Variants in RNF19B observed in about 807,000 individuals in gnomAD.
The protein encoded by RNF19B is E3 ubiquitin-protein ligase RNF19B.
In RNF19B, 23 loss-of-function variants were observed where a neutral mutation model predicts 65.5. That is an observed-to-expected ratio of 0.35 (90% CI 0.25 to 0.50). The LOEUF is 0.50. Among genes scored for constraint, RNF19B ranks in the 20% least tolerant of loss-of-function variants. RNF19B has a pLI of 0.98. For synonymous variants in RNF19B, 372 were observed against 379.6 expected (o/e 0.98, Z 0.23); for missense variants, 794 against 980.0 (o/e 0.81, Z 2.53).
At chr1:32,948,400 C>T (rs767016377) in intron 2 of RNF19B, 37 bp from the exon 3 acceptor site, 7 of 1,600,984 alleles carry the variant, frequency 4.4e-6, no homozygotes, top group African/African-American at 2.7e-5. Flanking sequence ...AGAAAAAATA[C>T]CCCTAGTTAA....
At chr1:32,948,384 ATGGGT>A (rs1395323246) in intron 2 of RNF19B, 21 bp from the exon 3 acceptor site, 1 of 1,607,306 alleles carries the variant, frequency 6.2e-7, no homozygotes, top group Admixed American at 1.7e-5. Context: ...TGGGGGAAGA[ATGGGT>A]AGAAAAAATA....
At position 32,964,224 on chromosome 1, in the gene RNF19B, T is replaced by C; in HGVS notation, c.462A>G (p.Ile154Met). 6.5e-7 allele frequency: 1 copy of C among 1,546,324 alleles called. No individual in the cohort carries two copies. The highest frequency in any genetic ancestry group is 8.7e-7 in the Non-Finnish European group (1 of 1,145,414). The change falls in exon 1 of 9, where the codon ATA (isoleucine) becomes ATG (methionine). Residue 154 changes from isoleucine to methionine, a missense_variant. Ile to Met is a conservative substitution (Grantham distance 10). Around this residue, in one of 3 missense-constraint regions of RNF19B, gnomAD observed 374 missense variants for 423.8 expected, o/e 0.88. Transcript: ENST00000235150. The surrounding 1 kb of genome is among the most constrained non-coding windows in gnomAD (Gnocchi z 6.5). ...DCLRHYLRLE[I>M]SESRVPISCP... Reference sequence around the variant, plus strand: ...AGCTGATGGGCACCCTGCTCTCGCTTATCTCCAGGCGCAGGTAGTGGCGGA... The same window carrying C: ...AGCTGATGGGCACCCTGCTCTCGCTCATCTCCAGGCGCAGGTAGTGGCGGA...
chr1:32,938,568 G>A (rs749435826), intron 7 of RNF19B, 40 bp from the exon 8 acceptor site: 13 of 1,600,512 alleles, frequency 8.1e-6, no homozygotes, highest in Non-Finnish European at 1.1e-5. Flanking sequence ...ATGAGACCTG[G>A]GTATTCCAAG....
At chr1:32,960,539 G>A (rs1257203473) in intron 1 of RNF19B, among the ~76,000 whole-genome samples, 1 of 152,136 alleles carries the variant, frequency 6.6e-6, no homozygotes, top group African/African-American at 2.4e-5. Flanking sequence ...AGGAGGCTGA[G>A]GTGGGAGTAC....
In RNF19B at chr1:32,964,807, G is replaced by T. The variant is rs1319878145; in HGVS notation, c.-122C>A. ...CCACCGCCTCAACCGCCCTCCCGGC[G>T]ATAGAAGCCGAGCGGCAACGACGAA... On this transcript the variant is annotated 5_prime_UTR_variant, in exon 1 of 9. Coordinates refer to ENST00000235150, the MANE Select transcript of RNF19B (RefSeq NM_001300826.2). This position sits in a 1 kb window ranked among gnomAD's most constrained non-coding sequence, Gnocchi z 6.5. 4 of 971,812 alleles carry T rather than the reference G, an allele frequency of 4.1e-6. No homozygotes were observed. The highest frequency in any genetic ancestry group is 5.4e-6 in the Non-Finnish European group (4 of 734,996). 60.2% of individuals were successfully genotyped at this position (971,812 alleles called of 1,614,324 possible).
intron 1 of RNF19B, among the ~76,000 whole-genome samples, chr1:32,956,779 T>C (rs1027092235): frequency 5.9e-5 from 9 of 152,170 alleles, no homozygotes; most frequent in East Asian, 1.9e-4. Flanking sequence ...TATGCTCCAA[T>C]AGACTTCAGT....
At position 32,964,734 on chromosome 1, in the gene RNF19B, C is replaced by T; in HGVS notation, c.-49G>A. ...GGGGCGCCCAGCGCCGCCACAGCTC[C>T]CGCCTCAGCGCCCCTCAGCCAGCGC... On this transcript the variant is annotated 5_prime_UTR_variant, in exon 1 of 9. Transcript: ENST00000235150. This position sits in a 1 kb window ranked among gnomAD's most constrained non-coding sequence, Gnocchi z 6.5. The T allele has an allele frequency of 3.0e-6, 4 of 1,350,110 alleles. No individual in the cohort carries two copies. The highest frequency in any genetic ancestry group is 3.8e-6 in the Non-Finnish European group (4 of 1,054,756). The allele number at this position is 1,350,110 out of a possible 1,614,324, so 83.6% of individuals were successfully genotyped here. A position where few individuals can be genotyped will look rare whatever the true frequency, so the allele number is the denominator to read the frequency against.
At chr1:32,941,138 G>C (rs921290954) in intron 7 of RNF19B, among the ~76,000 whole-genome samples, 2 of 152,052 alleles carry the variant, frequency 1.3e-5, no homozygotes, top group Non-Finnish European at 1.5e-5. Context: ...TGGTAGGATT[G>C]CCTGAGTCCA....
chr1:32,940,938 A>T (rs1642216258), intron 7 of RNF19B, among the ~76,000 whole-genome samples: 2 of 152,236 alleles, frequency 1.3e-5, no homozygotes. Flanking sequence ...AGTATCACTA[A>T]ACCAGCTGGG....
intron 6 of RNF19B, among the ~76,000 whole-genome samples, chr1:32,943,237 C>T (rs745438289): frequency 2.0e-5 from 3 of 151,956 alleles, no homozygotes; most frequent in Non-Finnish European, 4.4e-5. Flanking sequence ...GTAGAAACCA[C>T]ATTAAAGTAA....
chr1:32,936,968 G>A lies in RNF19B; in HGVS notation c.2034C>T (p.Asp678=), dbSNP rs768261133. Residue 678 remains aspartate (D), a synonymous_variant, in exon 9 of 9, where the codon GAC becomes GAT. Transcript: ENST00000235150. ...SSDAQSDDVP[D]ITSDECGSPR... ...GGGAGCCACACTCATCTGAGGTGATGTCTGGCACATCGTCTGACTGTGCAT... is the reference window on the plus strand; with the variant it reads ...GGGAGCCACACTCATCTGAGGTGATATCTGGCACATCGTCTGACTGTGCAT... The A allele has an allele frequency of 2.5e-6, 4 of 1,614,126 alleles. No homozygotes were observed. In the Admixed American group the frequency reaches 6.7e-5, roughly 27 times the overall value.
intron 4 of RNF19B, among the ~76,000 whole-genome samples, chr1:32,945,866 T>C (rs1557571051): frequency 6.6e-6 from 1 of 150,894 alleles, no homozygotes; most frequent in Non-Finnish European, 1.5e-5. Context: ...GTAAGCATTT[T>C]ACCTTCTTCT....
At chr1:32,947,247 G>C (rs1642386811) in intron 3 of RNF19B, among the ~76,000 whole-genome samples, 1 of 152,178 alleles carries the variant, frequency 6.6e-6, no homozygotes, top group Non-Finnish European at 1.5e-5. Flanking sequence ...GGCAATGAAG[G>C]TGTTGTGTTT....
At position 32,949,549 on chromosome 1, in the gene RNF19B, G is replaced by A. The variant is rs778518078; in HGVS notation, c.841+20C>T. The A allele has an allele frequency of 1.9e-6, 3 of 1,607,026 alleles. No homozygotes were observed. Among genetic ancestry groups the A allele is most frequent in the African/African-American group, 2.7e-5 (2 of 74,710 alleles). ...ATGAAATACCAAATAAAGAGACAAT[G>A]AGATAATGCCAACTTATACCTGGTC... On this transcript the variant is annotated intron_variant, in intron 2 of 8. Coordinates refer to ENST00000235150, the MANE Select transcript of RNF19B (RefSeq NM_001300826.2).
At chr1:32,935,327 G>A (rs1642078821), downstream of RNF19B, among the ~76,000 whole-genome samples, 1 of 150,688 alleles carries the variant, frequency 6.6e-6, no homozygotes, top group Admixed American at 6.6e-5. Flanking sequence ...TAGTAGAAAC[G>A]GGGGTTTCAC....
chr1:32,942,302 C>G lies in RNF19B; in HGVS notation c.1560G>C (p.Gly520=). 1 of 1,613,970 alleles carries G rather than the reference C, an allele frequency of 6.2e-7. No individual in the cohort carries two copies. Among genetic ancestry groups the G allele is most frequent in the Admixed American group, 1.7e-5 (1 of 60,010 alleles). ...AGAGAATGCCGCCACTCAGCGTGCCCCCTGAGAGGGCTGCAAAGCTGGCCG... is the reference window on the plus strand; with the variant it reads ...AGAGAATGCCGCCACTCAGCGTGCCGCCTGAGAGGGCTGCAAAGCTGGCCG... ...SETASFAALS[G]GTLSGGILSS... is the part of the protein sequence containing the mutation. Residue 520 remains glycine (G), a synonymous_variant, in exon 7 of 9, where the codon GGG becomes GGC. Coordinates refer to ENST00000235150, the MANE Select transcript of RNF19B (RefSeq NM_001300826.2).
rs1022182561 is a variant in RNF19B at position 32,952,698 on chromosome 1, C to T, written c.636-2924G>A. 3.3e-5 allele frequency among the ~76,000 whole-genome samples: 5 copies of T among 150,982 alleles called. No homozygotes were observed. The South Asian group carries it at 6.3e-4, about 19-fold the overall frequency. On this transcript the variant is annotated intron_variant, in intron 1 of 8. Coordinates refer to ENST00000235150, the MANE Select transcript of RNF19B (RefSeq NM_001300826.2). ...TGGAGGTTGCAGTGAGCAGAGATTG[C>T]GCCACCATGGGTGTCACTCCAGCCT...
rs150951192 is a variant in RNF19B, at chr1:32,958,626, G to C, written c.635+5425C>G. 8.4e-4 allele frequency among the ~76,000 whole-genome samples: 127 copies of C among 152,048 alleles called. No individual in the cohort carries two copies. In the East Asian group the frequency reaches 0.022, roughly 26 times the overall value. ...AGCTACTCAGGAGGCTGAGGCAGGA[G>C]AATAGCATGAACCCGGGAGGTGGAG... On this transcript the variant is annotated intron_variant, in intron 1 of 8. Coordinates refer to ENST00000235150, the MANE Select transcript of RNF19B (RefSeq NM_001300826.2).
In RNF19B at chr1:32,948,239, T is replaced by G. The variant is rs199517724; in HGVS notation, c.966A>C (p.Ser322=). The part of the protein sequence containing the change: ...EFCWLCMKEI[S]DLHYLSPSGC... ...CATCTTACCTGAGGTAATGCAAGTCTGAGATCTCTTTCATACAAAGCCAAC... is the reference window on the plus strand; with the variant it reads ...CATCTTACCTGAGGTAATGCAAGTCGGAGATCTCTTTCATACAAAGCCAAC... Residue 322 remains serine, a synonymous_variant, in exon 3 of 9, where the codon TCA becomes TCC. Coordinates refer to ENST00000235150, the MANE Select transcript of RNF19B (RefSeq NM_001300826.2). 6.2e-7 allele frequency: 1 copy of G among 1,614,038 alleles called. No individual in the cohort carries two copies. Among genetic ancestry groups the G allele is most frequent in the Admixed American group, 1.7e-5 (1 of 60,016 alleles).
Sources: gnomAD v4.1 joint callset for allele counts (sites outside exome capture counted in the v4.1 genomes callset) on GRCh38, gnomAD v4.1.1 for gene constraint, gnomAD v4.1.1 regional missense constraint, Gnocchi (gnomAD v3.1) non-coding constraint, MANE v1.5 for transcripts, NCBI Gene and HGNC (gene_info 2026-07-23, HGNC 2026-07-21) for gene names.